Variants in C12orf56 observed in about 807,000 individuals in gnomAD.
C12orf56 encodes uncharacterized protein C12orf56.
A neutral mutation model predicts 69.9 loss-of-function variants in C12orf56; 71 were observed. The observed-to-expected ratio is 1.02, with a 90% confidence interval of 0.84 to 1.24. The LOEUF is 1.24. Ranked by LOEUF, C12orf56 falls within the 50% of genes most tolerant of loss-of-function variation. The probability of loss-of-function intolerance (pLI) is 0.00; values close to 1 mark genes in which losing one functional copy is unlikely to be tolerated. For missense variants in C12orf56, 732 were observed against 738.5 expected (o/e 0.99, Z 0.10); for synonymous variants, 276 against 274.1 (o/e 1.01, Z -0.07).
intron 2 of C12orf56, among the ~76,000 whole-genome samples, chr12:64,339,425 T>C (rs750711038): frequency 6.6e-6 from 1 of 152,170 alleles, no homozygotes; most frequent in Non-Finnish European, 1.5e-5. Flanking sequence ...AAGAGATGTA[T>C]TGAGCAGGGT....
chr12:64,336,645 G>T (rs2039000553), intron 2 of C12orf56, among the ~76,000 whole-genome samples: 1 of 152,198 alleles, frequency 6.6e-6, no homozygotes, highest in African/African-American at 2.4e-5. Flanking sequence ...CCATGCCACA[G>T]TGTGTCAGCA....
At chr12:64,308,884 GAAA>G in intron 5 of C12orf56, among the ~76,000 whole-genome samples, 1 of 101,674 alleles carries the variant, frequency 9.8e-6, no homozygotes, top group Non-Finnish European at 2.0e-5. Flanking sequence ...GAAAGAAACA[GAAA>G]GGAAGAAAGA....
chr12:64,352,971 T>C lies in C12orf56; in HGVS notation c.338A>G (p.Lys113Arg). 6.2e-7 allele frequency: 1 copy of C among 1,613,584 alleles called. No individual in the cohort carries two copies. Among genetic ancestry groups the C allele is most frequent in the South Asian group, 1.1e-5 (1 of 90,988 alleles). Residue 113 changes from lysine to arginine, a missense_variant, in exon 2 of 13, where the codon AAA becomes AGA. By Grantham distance (26) the Lys-to-Arg change is conservative (BLOSUM62 2). Coordinates refer to ENST00000543942, the MANE Select transcript of C12orf56 (RefSeq NM_001170633.2). ...IRIIYSSTVL[K>R]KECKKSNSVR... is the part of the protein sequence containing the mutation. ...ACTGTTTGACTTTTTACACTCTTTT[T>C]TCAAAACGGTTGAAGAATAGATGAT...
At chr12:64,302,974 T>C (rs1280188994) in intron 6 of C12orf56, among the ~76,000 whole-genome samples, 3 of 151,896 alleles carry the variant, frequency 2.0e-5, no homozygotes, top group Non-Finnish European at 4.4e-5. Flanking sequence ...TGTGTCTATT[T>C]AAAAAATAAA....
At chr12:64,339,891 A>G (rs2039051955) in intron 2 of C12orf56, among the ~76,000 whole-genome samples, 1 of 152,158 alleles carries the variant, frequency 6.6e-6, no homozygotes, top group South Asian at 2.1e-4. Context: ...GACAGAATTA[A>G]TGGAATAAAT....
At chr12:64,357,903 A>AAAAAAGAAAAAGAAAAAG (rs373162011) in intron 1 of C12orf56, among the ~76,000 whole-genome samples, 3 of 150,324 alleles carry the variant, frequency 2.0e-5, no homozygotes, top group Non-Finnish European at 4.5e-5. Context: ...CCATCTCAAA[A>AAAAAAGAAAAAGAAAAAG]AAAAAGAAAA....
chr12:64,299,549 C>A (rs1200924662), intron 6 of C12orf56, among the ~76,000 whole-genome samples: 1 of 152,122 alleles, frequency 6.6e-6, no homozygotes, highest in Admixed American at 6.6e-5. Context: ...AACAGATTTG[C>A]AATTCAGTAT....
chr12:64,385,035 C>T (rs1286885552), intron 1 of C12orf56, among the ~76,000 whole-genome samples: 1 of 142,318 alleles, frequency 7.0e-6, no homozygotes, highest in Non-Finnish European at 1.5e-5. Flanking sequence ...GCCTGGGCAA[C>T]AGAGCGAGAC....
chr12:64,279,792 A>G (rs1052902402), intron 8 of C12orf56, among the ~76,000 whole-genome samples: 1 of 152,230 alleles, frequency 6.6e-6, no homozygotes, highest in Non-Finnish European at 1.5e-5. Context: ...TGTTTTATTC[A>G]GGCTATTTAA....
At chr12:64,363,393 G>C (rs2039423006) in intron 1 of C12orf56, among the ~76,000 whole-genome samples, 1 of 152,184 alleles carries the variant, frequency 6.6e-6, no homozygotes, top group Non-Finnish European at 1.5e-5. Flanking sequence ...CAGCAGGGTT[G>C]GGTTGTTTAA....
rs770676403 is a variant in C12orf56 at position 64,277,725 on chromosome 12, C to T, written c.1389G>A (p.Gln463=). 1.2e-6 allele frequency: 2 copies of T among 1,600,290 alleles called. No individual in the cohort carries two copies. The highest frequency in any genetic ancestry group is 1.7e-6 in the Non-Finnish European group (2 of 1,172,200). ...TGACTAAAGCTGAATCAGCCACCAA[C>T]TGGATATCAAACACAGGACAAGATT... The part of the protein sequence containing the change: ...IPKSCPVFDI[Q]LVADSALVRM... Residue 463 remains glutamine (Q), a synonymous_variant, in exon 9 of 13, where the codon CAG becomes CAA. Coordinates refer to ENST00000543942, the MANE Select transcript of C12orf56 (RefSeq NM_001170633.2).
intron 8 of C12orf56, among the ~76,000 whole-genome samples, chr12:64,281,415 A>T (rs1020716126): frequency 6.6e-6 from 1 of 151,824 alleles, no homozygotes. Flanking sequence ...CTAAAAACAT[A>T]AAAAAAATCA....
intron 1 of C12orf56, among the ~76,000 whole-genome samples, chr12:64,363,791 G>A (rs2039429017): frequency 6.6e-6 from 1 of 152,100 alleles, no homozygotes; most frequent in Admixed American, 6.6e-5. Flanking sequence ...TTAATAATGT[G>A]TGACCCTTCA....
intron 1 of C12orf56, among the ~76,000 whole-genome samples, chr12:64,379,470 T>C (rs1297360962): frequency 6.6e-6 from 1 of 151,776 alleles, no homozygotes; most frequent in Non-Finnish European, 1.5e-5. Flanking sequence ...ATTTTTTTAG[T>C]AGAGACGGGA....
chr12:64,322,018 T>TATG (rs1198575771), intron 3 of C12orf56, among the ~76,000 whole-genome samples: 7 of 150,982 alleles, frequency 4.6e-5, no homozygotes, highest in Non-Finnish European at 8.9e-5. Flanking sequence ...TTATTATTAT[T>TATG]ATTATTTTTA....
intron 2 of C12orf56, among the ~76,000 whole-genome samples, chr12:64,332,795 G>A (rs991624689): frequency 6.6e-5 from 10 of 152,102 alleles, no homozygotes; most frequent in South Asian, 2.1e-4. Context: ...TCTTTGGAGC[G>A]GGCTGGACCC....
At chr12:64,337,241 C>T (rs1382691605) in intron 2 of C12orf56, among the ~76,000 whole-genome samples, 6 of 152,178 alleles carry the variant, frequency 3.9e-5, no homozygotes, top group Non-Finnish European at 7.4e-5. Flanking sequence ...TCACCCAAAG[C>T]CAATTCTCTA....
At chr12:64,333,378 T>C (rs2038954971) in intron 2 of C12orf56, among the ~76,000 whole-genome samples, 1 of 151,928 alleles carries the variant, frequency 6.6e-6, no homozygotes, top group Non-Finnish European at 1.5e-5. Flanking sequence ...CCATCCAAAT[T>C]CACTAACCAA....
At chr12:64,340,337 C>T (rs1354449590) in intron 2 of C12orf56, among the ~76,000 whole-genome samples, 1 of 152,110 alleles carries the variant, frequency 6.6e-6, no homozygotes, top group Non-Finnish European at 1.5e-5. Context: ...TGGCAACACC[C>T]TCACAGATAC....
Sources: allele counts gnomAD v4.1 joint callset (sites outside exome capture counted in the v4.1 genomes callset), GRCh38; gene constraint gnomAD v4.1.1; transcripts MANE v1.5; gene names NCBI Gene and HGNC (gene_info 2026-07-23, HGNC 2026-07-21).